Variants in CDC25A observed in about 807,000 individuals in gnomAD.
CDC25A encodes the protein cell division cycle 25A.
A neutral mutation model predicts 64.6 loss-of-function variants in CDC25A; 17 were observed. The ratio of observed to expected loss-of-function variants is 0.26; its 90% CI spans 0.18 to 0.39. CDC25A has a LOEUF of 0.39. Ranked by LOEUF, CDC25A falls within the 10% of genes least tolerant of loss-of-function variation. CDC25A has a pLI of 1.00. For missense variants in CDC25A, 473 were observed against 654.8 expected (o/e 0.72, Z 3.03); for synonymous variants, 229 against 238.6 (o/e 0.96, Z 0.37).
chr3:48,182,089 A>G (rs181750698), intron 5 of CDC25A, among the ~76,000 whole-genome samples: 135 of 152,320 alleles, frequency 8.9e-4, no homozygotes, highest in Non-Finnish European at 1.7e-3. Context: ...GCATCAGTAC[A>G]GCTTTGCCCT....
At chr3:48,182,352 C>T (rs1489284180) in intron 5 of CDC25A, among the ~76,000 whole-genome samples, 1 of 152,170 alleles carries the variant, frequency 6.6e-6, no homozygotes, top group African/African-American at 2.4e-5. Context: ...AAAATTACAA[C>T]TGTTTTGGAT....
chr3:48,159,497 A>G, intron 13 of CDC25A, 42 bp from the exon 14 acceptor site: 2 of 1,389,008 alleles, frequency 1.4e-6, no homozygotes, highest in African/African-American at 1.4e-5. Context: ...TAGCTTTTCC[A>G]GCACAGCAAC....
intron 13 of CDC25A, among the ~76,000 whole-genome samples, chr3:48,161,689 A>G (rs1159737766): frequency 6.6e-6 from 1 of 152,054 alleles, no homozygotes; most frequent in Non-Finnish European, 1.5e-5. Context: ...AGCCTGGACA[A>G]CAGAGACTGA....
Position 48,158,616 on chromosome 3 carries a change from C to A in CDC25A, c.*329G>T. The A allele has an allele frequency of 4.3e-6, 1 of 230,292 alleles. No individual in the cohort carries two copies. The highest frequency in any genetic ancestry group is 5.2e-5 in the Admixed American group (1 of 19,396). 14.3% of individuals were successfully genotyped at this position (230,292 alleles called of 1,614,324 possible). ...ACTTCTCTACTCCCCTCCGTCTCCTCTCCCCTCATGAGATGGCTGGAGCCC... is the reference window on the plus strand; with the variant it reads ...ACTTCTCTACTCCCCTCCGTCTCCTATCCCCTCATGAGATGGCTGGAGCCC... On this transcript the variant is annotated 3_prime_UTR_variant, in exon 15 of 15. Coordinates refer to ENST00000302506, the MANE Select transcript of CDC25A (RefSeq NM_001789.3).
Position 48,173,457 on chromosome 3 carries a change from A to C in CDC25A, c.930+827T>G, listed in dbSNP as rs796213219. 7.2e-5 allele frequency among the ~76,000 whole-genome samples: 11 copies of C among 152,314 alleles called. No homozygotes were observed. The East Asian group carries it at 1.9e-3, about 27-fold the overall frequency. On this transcript the variant is annotated intron_variant, in intron 9 of 14. Coordinates refer to ENST00000302506, the MANE Select transcript of CDC25A (RefSeq NM_001789.3). The stretch of plus-strand genomic sequence containing the variant: ...ATGAAGCTGGAGACAGCAACACAAC[A>C]AGCCCCAAGAAAAGCCTGCTCTCCC...
rs954818634 is a variant in CDC25A at position 48,159,472 on chromosome 3, A to G, written c.1323-17T>C. 6 of 1,573,052 alleles carry G rather than the reference A, an allele frequency of 3.8e-6. No individual in the cohort carries two copies. In the African/African-American group the frequency reaches 6.8e-5, roughly 18 times the overall value. ...TACCGGCACCTAGTCAGGGGAAGGA[A>G]GGCCAAAGCAGGGTTAGCTTTTCCA... On this transcript the variant is annotated splice_polypyrimidine_tract_variant and intron_variant, in intron 13 of 14. Coordinates refer to ENST00000302506, the MANE Select transcript of CDC25A (RefSeq NM_001789.3).
intron 13 of CDC25A, 73 bp downstream of exon 13, chr3:48,164,234 G>A (rs2031909020): frequency 7.1e-7 from 1 of 1,400,494 alleles, no homozygotes; most frequent in African/African-American, 1.5e-5. Flanking sequence ...CCAAGTGCAA[G>A]CCACAAACCA....
chr3:48,187,761 C>T lies in CDC25A; in HGVS notation c.170+17G>A. ...GAGGCCAGGGGCCCGGAGCACCGCC[C>T]GCCGGTCTCTCCTTACCTGCCCAGA... is the stretch of plus-strand genomic sequence containing the variant. On this transcript the variant is annotated intron_variant, in intron 1 of 14. Transcript: ENST00000302506. The T allele has an allele frequency of 6.5e-7, 1 of 1,532,762 alleles. No individual in the cohort carries two copies. Among genetic ancestry groups the T allele is most frequent in the Non-Finnish European group, 8.8e-7 (1 of 1,137,644 alleles). 94.9% of individuals were successfully genotyped at this position (1,532,762 alleles called of 1,614,324 possible). A position where few individuals can be genotyped will look rare whatever the true frequency, so the allele number is the denominator to read the frequency against.
intron 6 of CDC25A, among the ~76,000 whole-genome samples, chr3:48,180,091 T>C (rs1015848001): frequency 3.3e-5 from 5 of 152,116 alleles, no homozygotes; most frequent in African/African-American, 1.2e-4. Context: ...CCATAATAGT[T>C]CTTTAAAAAA....
chr3:48,171,369 G>T (rs1030241779), intron 9 of CDC25A, among the ~76,000 whole-genome samples: 10 of 148,598 alleles, frequency 6.7e-5, no homozygotes, highest in African/African-American at 2.5e-4. Flanking sequence ...GAAAGAAAAA[G>T]AAAATGAATA....
intron 2 of CDC25A, 93 bp downstream of exon 2, chr3:48,186,610 T>A: frequency 1.4e-6 from 1 of 731,438 alleles, no homozygotes; most frequent in Non-Finnish European, 2.4e-6. Context: ...ATGCCATGAC[T>A]TCCTCAAGTT....
chr3:48,180,480 C>G (rs1163369040), intron 6 of CDC25A: 1 of 378,468 alleles, frequency 2.6e-6, no homozygotes, highest in South Asian at 8.9e-5. Context: ...CCCAGATTAA[C>G]AAGGTCGATT....
At position 48,159,573 on chromosome 3, in the gene CDC25A, C is replaced by T. The variant is rs2031663248; in HGVS notation, c.1323-118G>A. ...CCTTATACACATCTTCCCAACTTGA[C>T]ATTTATTCTTAGAAACAATCAGTGC... is the stretch of plus-strand genomic sequence containing the variant. On this transcript the variant is annotated intron_variant, in intron 13 of 14. Transcript: ENST00000302506. 3 of 672,730 alleles carry T rather than the reference C, an allele frequency of 4.5e-6. No homozygotes were observed. The South Asian group carries it at 5.1e-5, about 11-fold the overall frequency. 41.7% of individuals were successfully genotyped at this position (672,730 alleles called of 1,614,324 possible).
chr3:48,160,449 C>T (rs534186283), intron 13 of CDC25A, among the ~76,000 whole-genome samples: 29 of 146,532 alleles, frequency 2.0e-4, no homozygotes, highest in Middle Eastern at 7.5e-3. Context: ...CTCACTCTGT[C>T]GCCCAGGCTG....
chr3:48,177,302 A>C, intron 8 of CDC25A, 69 bp downstream of exon 8: 1 of 1,195,954 alleles, frequency 8.4e-7, no homozygotes, highest in South Asian at 1.3e-5. Context: ...GGCTATACTC[A>C]ACTAAGGACT....
rs1414846913 is a variant in CDC25A, at chr3:48,186,705, G to A, written c.245C>T (p.Ser82Leu). The change falls in exon 2 of 15, where the codon TCA (serine) becomes TTA (leucine). Residue 82 changes from serine to leucine, a missense_variant and splice_region_variant. Physicochemically the swap from Ser to Leu is moderately radical, Grantham distance 145. Transcript: ENST00000302506. ...CCCCACACAGCAGACTTAAATACCT[G>A]AATCTGTTGACTCGGAGGAGCCCAT... ...QRMGSSESTD[S>L]GFCLDSPGPL... 3 of 1,585,728 alleles carry A rather than the reference G, an allele frequency of 1.9e-6. No individual in the cohort carries two copies. In the African/African-American group the frequency reaches 4.0e-5, roughly 21 times the overall value.
intron 2 of CDC25A, among the ~76,000 whole-genome samples, chr3:48,185,331 G>T (rs1279715748): frequency 6.6e-6 from 1 of 150,768 alleles, no homozygotes; most frequent in African/African-American, 2.4e-5. Flanking sequence ...TGGGAGGTTC[G>T]CTTGAGCTCG....
chr3:48,182,843 C>T (rs2032714325), intron 5 of CDC25A, 86 bp downstream of exon 5: 1 of 873,234 alleles, frequency 1.1e-6, no homozygotes, highest in Non-Finnish European at 1.9e-6. Context: ...TTTAGTCTCC[C>T]AGAAAGCAGC....
chr3:48,171,546 AT>A (rs576092333), intron 9 of CDC25A, among the ~76,000 whole-genome samples: 2 of 150,994 alleles, frequency 1.3e-5, no homozygotes, highest in Non-Finnish European at 3.0e-5. Flanking sequence ...ACACCCAGCT[AT>A]TTTTTGTATT....
Sources: gnomAD v4.1 joint callset for allele counts (sites outside exome capture counted in the v4.1 genomes callset) on GRCh38, gnomAD v4.1.1 for gene constraint, MANE v1.5 for transcripts, NCBI Gene and HGNC (gene_info 2026-07-23, HGNC 2026-07-21) for gene names.